The following TSPAN8 variants were observed in gnomAD, a reference collection of about 807,000 sequenced individuals.
The protein encoded by TSPAN8 is tetraspanin-8.
Under a neutral mutation model 32.8 loss-of-function variants are expected in TSPAN8, and 21 were observed. The ratio of observed to expected loss-of-function variants is 0.64; its 90% confidence interval spans 0.45 to 0.92. The LOEUF (loss-of-function observed/expected upper bound fraction) is 0.92. TSPAN8 is among the 40% of genes least tolerant of loss of function. The pLI is 0.00. For synonymous variants in TSPAN8, 95 were observed against 94.6 expected (o/e 1.00, Z -0.03); for missense variants, 269 against 281.9 (o/e 0.95, Z 0.33).
intron 2 of TSPAN8, among the ~76,000 whole-genome samples, chr12:71,156,656 G>C (rs1413202555): frequency 1.3e-5 from 2 of 152,154 alleles, no homozygotes; most frequent in Non-Finnish European, 2.9e-5. Flanking sequence ...TAATAGAACA[G>C]AAATATAGCA....
intron 2 of TSPAN8, among the ~76,000 whole-genome samples, chr12:71,145,168 C>T (rs1029705043): frequency 6.6e-6 from 1 of 152,014 alleles, no homozygotes; most frequent in African/African-American, 2.4e-5. Flanking sequence ...CCTAGAACCC[C>T]AAGACAGCAC....
At chr12:71,139,109 T>A (rs77278163) in intron 4 of TSPAN8, 2 of 456,026 alleles carry the variant, frequency 4.4e-6, no homozygotes, top group Non-Finnish European at 8.8e-6. Context: ...ACTTTTTTTT[T>A]AGCATGGCAT....
At chr12:71,128,763 C>T (rs2137045270) in intron 8 of TSPAN8, among the ~76,000 whole-genome samples, 1 of 151,630 alleles carries the variant, frequency 6.6e-6, no homozygotes, top group Admixed American at 6.6e-5. Flanking sequence ...CCTCAATTTT[C>T]CTTGAAAATT....
chr12:71,125,414 A>G (rs1179795366), intron 8 of TSPAN8, 27 bp from the exon 9 acceptor site: 4 of 1,593,914 alleles, frequency 2.5e-6, no homozygotes, highest in African/African-American at 2.7e-5. Flanking sequence ...CAGGATTAAC[A>G]TGGAATTTAA....
chr12:71,145,378 A>G (rs1054789448), intron 2 of TSPAN8, among the ~76,000 whole-genome samples: 2 of 152,114 alleles, frequency 1.3e-5, no homozygotes, highest in African/African-American at 2.4e-5. Context: ...GAAAACCCGG[A>G]GCAATTCCTA....
intron 6 of TSPAN8, among the ~76,000 whole-genome samples, chr12:71,135,647 G>A (rs535757300): frequency 5.9e-5 from 9 of 152,260 alleles, no homozygotes; most frequent in Middle Eastern, 3.4e-3. Flanking sequence ...CTTTACAAGA[G>A]CAAGAGCACT....
chr12:71,130,363 G>C (rs566724452), intron 7 of TSPAN8, among the ~76,000 whole-genome samples: 3 of 152,274 alleles, frequency 2.0e-5, no homozygotes, highest in South Asian at 4.1e-4. Context: ...ATAAAAAAGA[G>C]AAATTAGGAA....
At chr12:71,140,301 C>A (rs1242595907) in intron 3 of TSPAN8, among the ~76,000 whole-genome samples, 1 of 151,854 alleles carries the variant, frequency 6.6e-6, no homozygotes, top group Non-Finnish European at 1.5e-5. Context: ...CTAAAGAAGC[C>A]ATAGAAAAAA....
Position 71,144,219 on chromosome 12 carries a change from G to GAAA in TSPAN8, c.61-9_61-7dup. The GAAA allele has an allele frequency of 1.2e-6, 2 of 1,608,836 alleles. No homozygotes were observed. The highest frequency in any genetic ancestry group is 1.7e-6 in the Non-Finnish European group (2 of 1,178,738). Reference sequence around the variant, plus strand: ...AGGATCAAGATACCACATAGCTGCAGAAAAAAACAAACAAACAAAAAGAAT... The same window carrying GAAA: ...AGGATCAAGATACCACATAGCTGCAGAAAAAAAAAACAAACAAACAAAAAGAAT... On this transcript the variant is annotated splice_region_variant and splice_polypyrimidine_tract_variant and intron_variant, in intron 2 of 8. Transcript: ENST00000247829.
At chr12:71,137,117 T>A (rs1871723901) in intron 6 of TSPAN8, among the ~76,000 whole-genome samples, 1 of 151,798 alleles carries the variant, frequency 6.6e-6, no homozygotes, top group Non-Finnish European at 1.5e-5. Context: ...ACAAAAATGA[T>A]AATTTTTTAA....
chr12:71,150,977 T>A (rs1872234521), intron 2 of TSPAN8, among the ~76,000 whole-genome samples: 1 of 152,104 alleles, frequency 6.6e-6, no homozygotes, highest in African/African-American at 2.4e-5. Context: ...CAGTCTCAGG[T>A]ATGTCTTTAT....
intron 8 of TSPAN8, 55 bp from the exon 9 acceptor site, chr12:71,125,442 A>T: frequency 1.4e-6 from 2 of 1,401,184 alleles, no homozygotes. Flanking sequence ...CACTGGACAC[A>T]TTATAAATAA....
At chr12:71,129,697 C>A (rs967570440) in intron 7 of TSPAN8, among the ~76,000 whole-genome samples, 2 of 151,964 alleles carry the variant, frequency 1.3e-5, no homozygotes, top group Non-Finnish European at 2.9e-5. Flanking sequence ...TAATTTTTCA[C>A]CAACATATCC....
At chr12:71,130,871 C>A (rs1474163416) in intron 7 of TSPAN8, among the ~76,000 whole-genome samples, 1 of 152,116 alleles carries the variant, frequency 6.6e-6, no homozygotes, top group African/African-American at 2.4e-5. Flanking sequence ...ATGGCCATTC[C>A]ATATTTTTTA....
At chr12:71,138,770 C>A (rs552657713) in intron 4 of TSPAN8, among the ~76,000 whole-genome samples, 2 of 152,188 alleles carry the variant, frequency 1.3e-5, no homozygotes, top group African/African-American at 4.8e-5. Context: ...CAAATGAGGC[C>A]TTATTGTTCA....
chr12:71,157,883 A>T, intron 1 of TSPAN8, 47 bp downstream of exon 1: 1 of 563,226 alleles, frequency 1.8e-6, no homozygotes, highest in Non-Finnish European at 3.2e-6. Flanking sequence ...AATATCGCAA[A>T]GGCTATTAAC....
chr12:71,134,994 G>A (rs772468124), intron 6 of TSPAN8, among the ~76,000 whole-genome samples: 31 of 152,268 alleles, frequency 2.0e-4, no homozygotes, highest in African/African-American at 4.1e-4. Context: ...GCAAGAATCC[G>A]AAAGGGGTGC....
intron 3 of TSPAN8, among the ~76,000 whole-genome samples, chr12:71,143,139 A>C (rs1871957678): frequency 1.3e-5 from 2 of 152,202 alleles, no homozygotes; most frequent in African/African-American, 2.4e-5. Context: ...TAGCAGTAGA[A>C]GAGGTGATCC....
At chr12:71,132,328 T>C (rs575596974) in intron 7 of TSPAN8, among the ~76,000 whole-genome samples, 17 of 152,212 alleles carry the variant, frequency 1.1e-4, no homozygotes, top group African/African-American at 4.1e-4. Context: ...CATTGAAAAT[T>C]GTAGTGAAAA....
Sources: allele counts gnomAD v4.1 joint callset (sites outside exome capture counted in the v4.1 genomes callset), GRCh38; gene constraint gnomAD v4.1.1; transcripts MANE v1.5; gene names NCBI Gene and HGNC (gene_info 2026-07-23, HGNC 2026-07-21).